The following PARN variants were observed in gnomAD, a reference collection of about 807,000 sequenced individuals.
PARN encodes the protein poly(A)-specific ribonuclease, also known as poly(A)-specific ribonuclease PARN.
In PARN, 71 loss-of-function variants were observed where a neutral mutation model predicts 102.8. The ratio of observed to expected loss-of-function variants is 0.69; its 90% confidence interval spans 0.57 to 0.84. The LOEUF (loss-of-function observed/expected upper bound fraction) is 0.84, where lower values mean the gene tolerates loss of function less well. Ranked by LOEUF, PARN falls within the 40% of genes least tolerant of loss-of-function variation. The probability of loss-of-function intolerance (pLI) is 0.00; values close to 1 mark genes in which losing one functional copy is unlikely to be tolerated. For missense variants in PARN, 782 were observed against 760.9 expected (o/e 1.03, Z -0.33); for synonymous variants, 261 against 252.9 (o/e 1.03, Z -0.30).
intron 23 of PARN, among the ~76,000 whole-genome samples, chr16:14,445,210 T>C (rs927656356): frequency 6.6e-6 from 1 of 151,970 alleles, no homozygotes; most frequent in Non-Finnish European, 1.5e-5. Context: ...AAACATCCAA[T>C]CCAGGCTTCA....
At chr16:14,513,802 C>T (rs1043807018) in intron 21 of PARN, among the ~76,000 whole-genome samples, 4 of 152,228 alleles carry the variant, frequency 2.6e-5, no homozygotes, top group African/African-American at 9.6e-5. Context: ...AGAGAAGCCT[C>T]CCTGACTGCC....
chr16:14,585,019 C>G (rs1740938670), intron 14 of PARN, among the ~76,000 whole-genome samples: 1 of 152,238 alleles, frequency 6.6e-6, no homozygotes, highest in East Asian at 1.9e-4. Context: ...TCAGTCCCAT[C>G]ATCAGCGACT....
rs751516197 is a variant in PARN, at chr16:14,554,169, G to C, written c.1319-18C>G. The stretch of plus-strand genomic sequence containing the variant: ...AGGCTGCACTACAAGACAAATTTAT[G>C]ATGAAATATTGATGGGTGAAAAGTG... On this transcript the variant is annotated intron_variant, in intron 19 of 23. Coordinates refer to ENST00000437198, the MANE Select transcript of PARN (RefSeq NM_002582.4). 6.5e-7 allele frequency: 1 copy of C among 1,543,150 alleles called. No homozygotes were observed. Among genetic ancestry groups the C allele is most frequent in the Non-Finnish European group, 8.9e-7 (1 of 1,119,830 alleles).
intron 1 of PARN, 31 bp from the exon 2 acceptor site, chr16:14,629,705 C>A: frequency 6.6e-7 from 1 of 1,515,792 alleles, no homozygotes; most frequent in Non-Finnish European, 9.2e-7. Flanking sequence ...GGCTCAGAAC[C>A]AGTGGCCTGA....
chr16:14,570,216 G>A (rs1380013842), intron 18 of PARN, among the ~76,000 whole-genome samples: 1 of 143,138 alleles, frequency 7.0e-6, no homozygotes, highest in East Asian at 2.2e-4. Flanking sequence ...GCACGTGCCT[G>A]TAATCCCAAC....
chr16:14,580,144 G>A (rs1450287121), intron 18 of PARN, among the ~76,000 whole-genome samples: 1 of 152,122 alleles, frequency 6.6e-6, no homozygotes. Flanking sequence ...CTAATTTTTT[G>A]TATTTTTAGT....
chr16:14,590,799 C>T (rs542551431), intron 13 of PARN, among the ~76,000 whole-genome samples: 169 of 152,118 alleles, frequency 1.1e-3, no homozygotes, highest in Non-Finnish European at 2.0e-3. Context: ...AGCAACTGAC[C>T]CACTCATGAC....
At position 14,617,614 on chromosome 16, in the gene PARN, C is replaced by T. The variant is rs779555557; in HGVS notation, c.364G>A (p.Asp122Asn). ...CCATTTCGAAAAACTTTATTAAAATCAAATCCCTGGCTTGCTAGAAAGTCA... is the reference window on the plus strand; with the variant it reads ...CCATTTCGAAAAACTTTATTAAAATTAAATCCCTGGCTTGCTAGAAAGTCA... ...SIDFLASQGF[D>N]FNKVFRNGIP... The change falls in exon 6 of 24, where the codon GAT (aspartate) becomes AAT (asparagine). Residue 122 changes from aspartate to asparagine, a missense_variant. Coordinates refer to ENST00000437198, the MANE Select transcript of PARN (RefSeq NM_002582.4). 6.3e-6 allele frequency: 10 copies of T among 1,590,866 alleles called. No individual in the cohort carries two copies. Among genetic ancestry groups the T allele is most frequent in the Non-Finnish European group, 3.5e-6 (4 of 1,158,940 alleles).
intron 18 of PARN, among the ~76,000 whole-genome samples, chr16:14,560,319 C>T (rs954093545): frequency 1.1e-4 from 17 of 152,342 alleles, no homozygotes; most frequent in African/African-American, 3.6e-4. Flanking sequence ...TTGCACGAAA[C>T]GTTCTTTCTA....
chr16:14,551,984 G>A (rs1476904167), intron 21 of PARN, 37 bp downstream of exon 21: 2 of 1,441,984 alleles, frequency 1.4e-6, no homozygotes, highest in African/African-American at 1.4e-5. Context: ...ACCTCTCACT[G>A]TATTTAATAC....
intron 21 of PARN, among the ~76,000 whole-genome samples, chr16:14,535,844 C>T (rs1966584510): frequency 6.6e-6 from 1 of 152,154 alleles, no homozygotes; most frequent in Admixed American, 6.5e-5. Flanking sequence ...TACATACAGG[C>T]TTTCATACCA....
At chr16:14,524,964 A>C (rs1280026387) in intron 21 of PARN, among the ~76,000 whole-genome samples, 4 of 152,240 alleles carry the variant, frequency 2.6e-5, no homozygotes, top group African/African-American at 9.6e-5. Flanking sequence ...GAATGGGGAT[A>C]TAATTTCATG....
At chr16:14,508,345 T>C (rs1008481835) in intron 21 of PARN, among the ~76,000 whole-genome samples, 1 of 151,916 alleles carries the variant, frequency 6.6e-6, no homozygotes, top group Non-Finnish European at 1.5e-5. Context: ...GCCTGGGCAG[T>C]AGAGTGAGAC....
chr16:14,468,067 T>G (rs1164468872), intron 22 of PARN, among the ~76,000 whole-genome samples: 1 of 152,190 alleles, frequency 6.6e-6, no homozygotes, highest in Admixed American at 6.5e-5. Context: ...TCCCAAGGAC[T>G]CTGGGTGGCA....
intron 18 of PARN, among the ~76,000 whole-genome samples, chr16:14,560,026 C>A (rs185926846): frequency 6.6e-6 from 1 of 152,340 alleles, no homozygotes; most frequent in East Asian, 1.9e-4. Context: ...AACATCTCTG[C>A]CCTTCTGAAG....
intron 22 of PARN, among the ~76,000 whole-genome samples, chr16:14,463,884 G>A (rs1002625132): frequency 6.7e-6 from 1 of 148,274 alleles, no homozygotes; most frequent in Non-Finnish European, 1.5e-5. Context: ...CCAGGCTGGA[G>A]TGCTGTGACA....
chr16:14,601,709 G>C (rs1970876746), intron 11 of PARN: 1 of 151,880 alleles, frequency 6.6e-6, no homozygotes, highest in Non-Finnish European at 1.5e-5. Flanking sequence ...GATCACCTGA[G>C]GTCAAGAGTT....
At chr16:14,506,862 A>C (rs769413030) in intron 21 of PARN, among the ~76,000 whole-genome samples, 6 of 152,216 alleles carry the variant, frequency 3.9e-5, no homozygotes, top group Non-Finnish European at 8.8e-5. Flanking sequence ...AAATATTAAT[A>C]AAAAATAAAA....
chr16:14,461,099 T>C (rs1302535589), intron 22 of PARN, among the ~76,000 whole-genome samples: 2 of 152,088 alleles, frequency 1.3e-5, no homozygotes, highest in Non-Finnish European at 2.9e-5. Flanking sequence ...ACTAGAAAAA[T>C]ATCAGACAAA....
Sources: allele counts gnomAD v4.1 joint callset (sites outside exome capture counted in the v4.1 genomes callset), GRCh38; gene constraint gnomAD v4.1.1; transcripts MANE v1.5; gene names NCBI Gene and HGNC (gene_info 2026-07-23, HGNC 2026-07-21).